ZC3H14: variants seen among roughly 807,000 people sequenced by gnomAD.
The protein encoded by ZC3H14 is zinc finger CCCH domain-containing protein 14.
Under a neutral mutation model 92.4 loss-of-function variants are expected in ZC3H14, and 31 were observed. The observed-to-expected ratio is 0.34, with a 90% CI of 0.25 to 0.45. The LOEUF is 0.45. Ranked by LOEUF, ZC3H14 falls within the 20% of genes least tolerant of loss-of-function variation. The pLI is 1.00. For synonymous variants in ZC3H14, 321 were observed against 300.9 expected, an observed-to-expected ratio of 1.07 and a Z score of -0.69; for missense variants, 781 against 897.3, an observed-to-expected ratio of 0.87 and a Z score of 1.66.
intron 15 of ZC3H14, 26 bp from the exon 16 acceptor site, chr14:88,610,808 G>A: frequency 6.3e-7 from 1 of 1,595,168 alleles, no homozygotes. Context: ...TGTGGATATT[G>A]TTGAAGCTCT....
intron 7 of ZC3H14, among the ~76,000 whole-genome samples, chr14:88,575,309 C>T (rs777493013): frequency 2.0e-5 from 3 of 152,020 alleles, no homozygotes; most frequent in Non-Finnish European, 4.4e-5. Context: ...AGAGAAATTG[C>T]TTAACATTGG....
intron 10 of ZC3H14, among the ~76,000 whole-genome samples, chr14:88,599,994 T>A (rs937712354): frequency 3.9e-5 from 6 of 152,238 alleles, no homozygotes; most frequent in Non-Finnish European, 7.3e-5. Flanking sequence ...AACACTTCTG[T>A]CACCTTCGGT....
Position 88,602,832 on chromosome 14 carries a change from C to G in ZC3H14, c.1519C>G (p.Leu507Val). ...TATTTTTTATCTGTCTGGCAGAGAT[C>G]TTGTACAACCAGATAAACCTGCAAG... ...LSGHLMQTRD[L>V]VQPDKPASPK... The change falls in exon 12 of 17, where the codon CTT becomes GTT. Residue 507 changes from leucine (L) to valine (V), a missense_variant. By Grantham distance (32) the Leu-to-Val change is conservative (BLOSUM62 1). Around this residue, in one of 3 missense-constraint regions of ZC3H14, gnomAD observed 221 missense variants for 304.7 expected, o/e 0.73. Coordinates refer to ENST00000251038, the MANE Select transcript of ZC3H14 (RefSeq NM_024824.5). 1 of 1,614,092 alleles carries G rather than the reference C, an allele frequency of 6.2e-7. No individual in the cohort carries two copies.
intron 2 of ZC3H14, among the ~76,000 whole-genome samples, chr14:88,564,461 C>T (rs1271819280): frequency 6.6e-6 from 1 of 152,160 alleles, no homozygotes; most frequent in Admixed American, 6.5e-5. Flanking sequence ...TTATGGTTTG[C>T]CCCCAAAGCT....
intron 2 of ZC3H14, among the ~76,000 whole-genome samples, chr14:88,564,932 C>G (rs1350472952): frequency 6.6e-6 from 1 of 152,156 alleles, no homozygotes; most frequent in African/African-American, 2.4e-5. Context: ...AAAGTACTGA[C>G]AAACTGGTTA....
At chr14:88,592,447 C>T (rs904012109) in intron 9 of ZC3H14, 15 of 147,764 alleles carry the variant, frequency 1.0e-4, no homozygotes, top group African/African-American at 3.5e-4. Flanking sequence ...GTTACTGTGA[C>T]ATCTATTTGG....
chr14:88,572,221 G>C lies in ZC3H14; in HGVS notation c.427G>C (p.Val143Leu), dbSNP rs751699171. 4.3e-6 allele frequency: 7 copies of C among 1,614,122 alleles called. No individual in the cohort carries two copies. The highest frequency in any genetic ancestry group is 1.3e-5 in the African/African-American group (1 of 75,036). ...TTCGCAGGAGTCAAAAACCACAAAT[G>C]TCAGGTAAGAGTCTGGTGTAGACCT... Reference protein sequence around the residue: ...TSSQESKTTNVRQTYDDGAAT... With the variant: ...TSSQESKTTNLRQTYDDGAAT... The change falls in exon 5 of 17, where the codon GTC becomes CTC. Residue 143 changes from valine (V) to leucine (L), a missense_variant. Physicochemically the swap from Val to Leu is conservative, Grantham distance 32. Around this residue, in one of 3 missense-constraint regions of ZC3H14, gnomAD observed 454 missense variants for 438.5 expected, o/e 1.04. Coordinates refer to ENST00000251038, the MANE Select transcript of ZC3H14 (RefSeq NM_024824.5).
chr14:88,606,747 T>TAAAAAAAAAAA (rs34408574), intron 12 of ZC3H14, among the ~76,000 whole-genome samples: 1 of 95,870 alleles, frequency 1.0e-5, no homozygotes, highest in Non-Finnish European at 1.9e-5. Context: ...GACCCTGTCG[T>TAAAAAAAAAAA]AAAAAAAAAA....
chr14:88,602,361 T>G (rs1240999325), intron 11 of ZC3H14, among the ~76,000 whole-genome samples: 1 of 152,190 alleles, frequency 6.6e-6, no homozygotes, highest in Non-Finnish European at 1.5e-5. Context: ...AAATGCAAGT[T>G]TAAAAGCCAG....
rs1205696774 is a variant in ZC3H14, at chr14:88,603,007, A to T, written c.1694A>T (p.Gln565Leu). 2 of 1,614,188 alleles carry T rather than the reference A, an allele frequency of 1.2e-6. No homozygotes were observed. The highest frequency in any genetic ancestry group is 1.7e-6 in the Non-Finnish European group (2 of 1,180,032). ...KGLRGLLHPQQLHLLSRQLED... is the reference protein window; with the variant it reads ...KGLRGLLHPQLLHLLSRQLED... Reference sequence around the variant, plus strand: ...CTCAGAGGTCTCCTCCACCCACAGCAGTTGCACTTGCTGAGCAGGCAGCTT... The same window carrying T: ...CTCAGAGGTCTCCTCCACCCACAGCTGTTGCACTTGCTGAGCAGGCAGCTT... The change falls in exon 12 of 17, where the codon CAG becomes CTG. Residue 565 changes from glutamine to leucine, a missense_variant. Gln to Leu is a moderately radical substitution (Grantham distance 113). Around this residue, in one of 3 missense-constraint regions of ZC3H14, gnomAD observed 221 missense variants for 304.7 expected, o/e 0.73. Coordinates refer to ENST00000251038, the MANE Select transcript of ZC3H14 (RefSeq NM_024824.5).
chr14:88,588,248 C>T (rs891552439), intron 9 of ZC3H14, among the ~76,000 whole-genome samples: 1 of 152,164 alleles, frequency 6.6e-6, no homozygotes, highest in African/African-American at 2.4e-5. Context: ...CCGAGGCGCC[C>T]TCCTCCCCTG....
At position 88,625,107 on chromosome 14, in the gene ZC3H14, A is replaced by G; in HGVS notation, c.*13356A>G. The G allele has an allele frequency of 6.2e-7, 1 of 1,613,812 alleles. No individual in the cohort carries two copies. Among genetic ancestry groups the G allele is most frequent in the African/African-American group, 1.3e-5 (1 of 75,044 alleles). ...ACACACAGACATCACCACTGATGGT[A>G]CCTGTAAACGTCAAGTTATTCTGAA... On this transcript the variant is annotated 3_prime_UTR_variant, in exon 17 of 17. Transcript: ENST00000251038.
In ZC3H14 at chr14:88,624,786, AG is replaced by A; in HGVS notation, c.*13036del. ...TCACCCCAACATGAAAAAAATTGGAAGTGAATTAAGACCAGAAATGAGAATC... is the reference window on the plus strand; with the variant it reads ...TCACCCCAACATGAAAAAAATTGGAATGAATTAAGACCAGAAATGAGAATC... On this transcript the variant is annotated 3_prime_UTR_variant, in exon 17 of 17. Coordinates refer to ENST00000251038, the MANE Select transcript of ZC3H14 (RefSeq NM_024824.5). The A allele has an allele frequency of 3.0e-6, 2 of 668,416 alleles. No homozygotes were observed. Among genetic ancestry groups the A allele is most frequent in the Non-Finnish European group, 4.8e-6 (2 of 416,218 alleles). 41.4% of individuals were successfully genotyped at this position (668,416 alleles called of 1,614,324 possible). A position where few individuals can be genotyped will look rare whatever the true frequency, so the allele number is the denominator to read the frequency against.
In ZC3H14 at chr14:88,622,955, C is replaced by A; in HGVS notation, c.*11204C>A. ...TTTGAGAAATACTCTTTTTTTCTGACATGAGCATAATTTTATTTAGCCTCT... is the reference window on the plus strand; with the variant it reads ...TTTGAGAAATACTCTTTTTTTCTGAAATGAGCATAATTTTATTTAGCCTCT... On this transcript the variant is annotated 3_prime_UTR_variant, in exon 17 of 17. Transcript: ENST00000251038. 1 of 362,690 alleles carries A rather than the reference C, an allele frequency of 2.8e-6. No homozygotes were observed. Among genetic ancestry groups the A allele is most frequent in the Non-Finnish European group, 4.9e-6 (1 of 203,196 alleles). The allele number at this position is 362,690 out of a possible 1,614,324, so 22.5% of individuals were successfully genotyped here.
intron 3 of ZC3H14, among the ~76,000 whole-genome samples, chr14:88,570,791 C>A (rs10147726): frequency 0.95 from 144,594 of 152,238 alleles, 68,985 homozygotes; most frequent in Non-Finnish European, 1. Flanking sequence ...TTTGAAAGTT[C>A]ATACCATTTA....
chr14:88,569,756 T>G (rs1433914633), intron 3 of ZC3H14, among the ~76,000 whole-genome samples: 4 of 152,166 alleles, frequency 2.6e-5, no homozygotes, highest in African/African-American at 9.7e-5. Flanking sequence ...TTCAAGGTGT[T>G]TTTGCCCAAG....
At chr14:88,592,258 A>G (rs2083229499) in intron 9 of ZC3H14, 1 of 152,112 alleles carries the variant, frequency 6.6e-6, no homozygotes, top group South Asian at 2.1e-4. Flanking sequence ...CTTGCTGTTA[A>G]CAGTTACTAT....
chr14:88,600,696 T>C lies in ZC3H14; in HGVS notation c.1355-1228T>C, dbSNP rs562918210. The stretch of plus-strand genomic sequence containing the variant: ...CAAACTCCTGGGCTTATGGAATCCT[T>C]GTGCCTTGGCCTCCCAGAATGTTGG... On this transcript the variant is annotated intron_variant, in intron 10 of 16. Transcript: ENST00000251038. Among the ~76,000 whole-genome samples, 5 of 152,268 alleles carry C rather than the reference T, an allele frequency of 3.3e-5. No homozygotes were observed. The South Asian group carries it at 1.0e-3, about 32-fold the overall frequency.
Position 88,616,889 on chromosome 14 carries a change from A to G in ZC3H14, c.*5138A>G. On this transcript the variant is annotated 3_prime_UTR_variant, in exon 17 of 17. Transcript: ENST00000251038. ...CTCATCTCCTAGAATACTAGAGGGA[A>G]GGAACAAAAGAAAACTCATCATGGC... The G allele has an allele frequency of 6.2e-7, 1 of 1,611,190 alleles. No homozygotes were observed. The highest frequency in any genetic ancestry group is 8.5e-7 in the Non-Finnish European group (1 of 1,178,800).
Sources: gnomAD v4.1 joint callset for allele counts (sites outside exome capture counted in the v4.1 genomes callset) on GRCh38, gnomAD v4.1.1 for gene constraint, gnomAD v4.1.1 regional missense constraint, MANE v1.5 for transcripts, NCBI Gene and HGNC (gene_info 2026-07-23, HGNC 2026-07-21) for gene names.